Variants in ARK2N observed in about 807,000 individuals in gnomAD.
ARK2N encodes arkadia (RNF111) N-terminal like PKA signaling regulator 2N.
chr18:46,263,394 T>C, the ARK2N span: 5 of 268,438 alleles, frequency 1.9e-5, no homozygotes. Flanking sequence ...TGGTGACTTT[T>C]AATCTTAGGA....
the ARK2N span, among the ~76,000 whole-genome samples, chr18:46,240,908 G>T: frequency 6.6e-6 from 1 of 152,122 alleles, no homozygotes; most frequent in African/African-American, 2.4e-5. Context: ...TTGTTTTGTT[G>T]TTGTTGTGAA....
At chr18:46,200,613 G>A in the ARK2N span, among the ~76,000 whole-genome samples, 127 of 152,192 alleles carry the variant, frequency 8.3e-4, no homozygotes, top group African/African-American at 2.9e-3. Context: ...GCCAGGATGG[G>A]GTTTTTATGG....
At chr18:46,228,700 C>G in the ARK2N span, 1 of 397,486 alleles carries the variant, frequency 2.5e-6, no homozygotes. Context: ...ATCCTCCCGC[C>G]TCAGCCTCCC....
chr18:46,190,602 A>AT, the ARK2N span, among the ~76,000 whole-genome samples: 9 of 152,118 alleles, frequency 5.9e-5, no homozygotes, highest in East Asian at 1.7e-3. Context: ...CTTTGGATGG[A>AT]TTTTTGAAAT....
At chr18:46,200,979 C>CTTTTTT in the ARK2N span, among the ~76,000 whole-genome samples, 10 of 112,834 alleles carry the variant, frequency 8.9e-5, no homozygotes, top group African/African-American at 1.2e-4. Flanking sequence ...TTTCTTTTTT[C>CTTTTTT]TTTTTTTTTT....
At chr18:46,232,448 A>G in the ARK2N span, 2 of 152,218 alleles carry the variant, frequency 1.3e-5, no homozygotes, top group South Asian at 4.1e-4. Context: ...ACAGTGTCAA[A>G]ACAATTTCAG....
chr18:46,231,150 CAAGTTAAAA>C, the ARK2N span, among the ~76,000 whole-genome samples: 1 of 152,136 alleles, frequency 6.6e-6, no homozygotes, highest in Non-Finnish European at 1.5e-5. Flanking sequence ...CCAACAAGGT[CAAGTTAAAA>C]TCTTAAGGCT....
the ARK2N span, among the ~76,000 whole-genome samples, chr18:46,224,085 C>G: frequency 2.0e-5 from 3 of 152,196 alleles, no homozygotes; most frequent in African/African-American, 7.2e-5. Flanking sequence ...TAAACTGGAC[C>G]ACTATGCTAC....
At chr18:46,247,124 C>T in the ARK2N span, among the ~76,000 whole-genome samples, 60 of 151,368 alleles carry the variant, frequency 4.0e-4, no homozygotes, top group African/African-American at 1.4e-3. Context: ...TTTCTAGATC[C>T]ATAATGAATG....
the ARK2N span, chr18:46,217,616 T>C: frequency 6.6e-6 from 1 of 152,194 alleles, no homozygotes; most frequent in Non-Finnish European, 1.5e-5. Flanking sequence ...TCAAGAGAAA[T>C]CATATTGGTT....
the ARK2N span, among the ~76,000 whole-genome samples, chr18:46,221,027 T>TC: frequency 6.6e-6 from 1 of 151,830 alleles, no homozygotes; most frequent in Non-Finnish European, 1.5e-5. Flanking sequence ...TCCCAGCTGC[T>TC]CCGGAGGCTG....
At chr18:46,243,458 T>C in the ARK2N span, among the ~76,000 whole-genome samples, 1 of 152,170 alleles carries the variant, frequency 6.6e-6, no homozygotes, top group African/African-American at 2.4e-5. Flanking sequence ...TAGGATCACA[T>C]AGGTACGCAC....
chr18:46,221,555 TA>T, the ARK2N span, among the ~76,000 whole-genome samples: 340 of 133,148 alleles, frequency 2.6e-3, 1 homozygote, highest in Admixed American at 0.013. Flanking sequence ...AAGACTCCAT[TA>T]AAAAAAAAAA....
the ARK2N span, among the ~76,000 whole-genome samples, chr18:46,193,932 C>T: frequency 6.6e-6 from 1 of 151,968 alleles, no homozygotes; most frequent in African/African-American, 2.4e-5. Flanking sequence ...ATTTACACAC[C>T]TTTAAATTAG....
At chr18:46,175,588 A>AG in the ARK2N span, among the ~76,000 whole-genome samples, 1 of 152,012 alleles carries the variant, frequency 6.6e-6, no homozygotes, top group Non-Finnish European at 1.5e-5. Context: ...AAAAAAAAAA[A>AG]AAACACATGG....
chr18:46,231,464 C>T, the ARK2N span, among the ~76,000 whole-genome samples: 2 of 151,356 alleles, frequency 1.3e-5, no homozygotes, highest in African/African-American at 4.9e-5. Context: ...TTATTGCTTC[C>T]TAAAGGTATG....
chr18:46,188,552 C>T, the ARK2N span, among the ~76,000 whole-genome samples: 4 of 152,060 alleles, frequency 2.6e-5, no homozygotes, highest in Non-Finnish European at 5.9e-5. Flanking sequence ...CACTATGTTG[C>T]CTACGCTGGT....
At chr18:46,200,343 T>G in the ARK2N span, among the ~76,000 whole-genome samples, 2 of 152,190 alleles carry the variant, frequency 1.3e-5, no homozygotes, top group Non-Finnish European at 2.9e-5. Flanking sequence ...AGTCTTGCTC[T>G]GTCACCCAGG....
chr18:46,213,804 C>T, the ARK2N span, among the ~76,000 whole-genome samples: 5 of 152,252 alleles, frequency 3.3e-5, no homozygotes, highest in African/African-American at 1.2e-4. Flanking sequence ...TCAAGCAGTT[C>T]TTTTGCCTCA....
Sources: gnomAD v4.1 joint callset for allele counts (sites outside exome capture counted in the v4.1 genomes callset) on GRCh38, gnomAD v4.1.1 for gene constraint, MANE v1.5 for transcripts, NCBI Gene and HGNC (gene_info 2026-07-23, HGNC 2026-07-21) for gene names.